Variants in ASB5 observed in about 807,000 individuals in gnomAD.
ASB5 encodes the protein ankyrin repeat and SOCS box containing 5.
ASB5 carries 45 observed loss-of-function variants against 42.1 expected under a neutral mutation model. The observed-to-expected ratio is 1.07, with a 90% CI of 0.84 to 1.37. The LOEUF (loss-of-function observed/expected upper bound fraction) is 1.37, where lower values mean the gene tolerates loss of function less well. ASB5 is among the 40% of genes most tolerant of loss of function. The pLI is 0.00. For synonymous variants in ASB5, 147 were observed against 150.6 expected (o/e 0.98, Z 0.18); for missense variants, 402 against 399.8 (o/e 1.01, Z -0.05).
chr4:176,266,686 A>G, intron 1 of ASB5, among the ~76,000 whole-genome samples: 1 of 152,230 alleles, frequency 6.6e-6, no homozygotes, highest in South Asian at 2.1e-4. Flanking sequence ...ATTGTTTCAT[A>G]TACAGATTAA....
chr4:176,247,751 G>A (rs1286710639), intron 1 of ASB5, among the ~76,000 whole-genome samples: 1 of 152,120 alleles, frequency 6.6e-6, no homozygotes, highest in Admixed American at 6.5e-5. Flanking sequence ...TTTTTAAGAT[G>A]AATTCCACAA....
chr4:176,266,826 CT>C (rs1216162123), intron 1 of ASB5, among the ~76,000 whole-genome samples: 2 of 151,756 alleles, frequency 1.3e-5, no homozygotes, highest in African/African-American at 4.8e-5. Context: ...TATTGATTTC[CT>C]TTTTTCTTTC....
chr4:176,269,674 A>G (rs751395076), upstream of ASB5, among the ~76,000 whole-genome samples: 2 of 152,212 alleles, frequency 1.3e-5, no homozygotes, highest in Non-Finnish European at 2.9e-5. Context: ...AAGTCATTAC[A>G]CTGGAACATC....
intron 1 of ASB5, among the ~76,000 whole-genome samples, chr4:176,245,958 A>C (rs1345510303): frequency 6.6e-6 from 1 of 152,134 alleles, no homozygotes. Flanking sequence ...ATGATGAGTT[A>C]ACGGGTGCAG....
intron 1 of ASB5, among the ~76,000 whole-genome samples, chr4:176,229,387 A>C (rs1033929943): frequency 1.3e-5 from 2 of 152,184 alleles, no homozygotes. Context: ...TTGTAGCTGA[A>C]GGGTACTTGA....
Position 176,237,487 on chromosome 4 carries a change from A to G in ASB5, c.197-12146T>C. The stretch of plus-strand genomic sequence containing the variant: ...TGCAAATGCTCTAGCAAGAAGAAAT[A>G]TCAGCGTCTGGATTTCTAACTATTT... On this transcript the variant is annotated intron_variant, in intron 1 of 6. Transcript: ENST00000296525. 3.0e-6 allele frequency: 3 copies of G among 985,738 alleles called. No homozygotes were observed. The South Asian group carries it at 1.4e-4, about 46-fold the overall frequency. The allele number at this position is 985,738 out of a possible 1,614,324, so 61.1% of individuals were successfully genotyped here.
chr4:176,255,800 C>T (rs1028046228), intron 1 of ASB5, among the ~76,000 whole-genome samples: 14 of 152,188 alleles, frequency 9.2e-5, no homozygotes, highest in African/African-American at 3.4e-4. Context: ...GTAACCCAAA[C>T]CTCAGCATCA....
chr4:176,230,417 A>C (rs1159768194), intron 1 of ASB5, among the ~76,000 whole-genome samples: 2 of 152,212 alleles, frequency 1.3e-5, no homozygotes, highest in African/African-American at 4.8e-5. Flanking sequence ...TCTTTCTGAA[A>C]TAAGAAATGA....
At position 176,222,369 on chromosome 4, in the gene ASB5, C is replaced by T; in HGVS notation, c.328G>A (p.Ala110Thr). ...TLDHVTPLHE[A>T]CLGDHVACAR... is the part of the protein sequence containing the mutation. ...CATGCCACGTGATCTCCAAGGCAGGCTTCGTGCAATGGGGTGACATGGTCT... is the reference window on the plus strand; with the variant it reads ...CATGCCACGTGATCTCCAAGGCAGGTTTCGTGCAATGGGGTGACATGGTCT... Residue 110 changes from alanine to threonine, a missense_variant, in exon 3 of 7, where the codon GCC (alanine) becomes ACC (threonine). Physicochemically the swap from Ala to Thr is moderately conservative, Grantham distance 58. Coordinates refer to ENST00000296525, the MANE Select transcript of ASB5 (RefSeq NM_080874.4). 1 of 1,614,022 alleles carries T rather than the reference C, an allele frequency of 6.2e-7. No homozygotes were observed. The highest frequency in any genetic ancestry group is 8.5e-7 in the Non-Finnish European group (1 of 1,179,980).
intron 1 of ASB5, among the ~76,000 whole-genome samples, chr4:176,247,209 G>T (rs1753929978): frequency 6.6e-6 from 1 of 152,018 alleles, no homozygotes; most frequent in Non-Finnish European, 1.5e-5. Context: ...ATATAAATGA[G>T]AAACTATATT....
chr4:176,253,218 C>T (rs1289258455), intron 1 of ASB5, among the ~76,000 whole-genome samples: 2 of 152,082 alleles, frequency 1.3e-5, no homozygotes, highest in Admixed American at 1.3e-4. Context: ...CACAGATATA[C>T]CTCAATTTTT....
chr4:176,257,109 T>G (rs1475458058), intron 1 of ASB5, among the ~76,000 whole-genome samples: 1 of 151,992 alleles, frequency 6.6e-6, no homozygotes. Context: ...GACAAGAGGC[T>G]TTTAAGAAGG....
At chr4:176,219,575 G>GATATATAAAT (rs1554042708) in intron 5 of ASB5, among the ~76,000 whole-genome samples, 1,545 of 5,998 alleles carry the variant, frequency 0.26, 670 homozygotes, top group Non-Finnish European at 0.37. Context: ...ATATTTGTAT[G>GATATATAAAT]ATATATATAT....
chr4:176,236,721 C>A (rs547037107), intron 1 of ASB5, among the ~76,000 whole-genome samples: 23 of 152,120 alleles, frequency 1.5e-4, no homozygotes, highest in African/African-American at 5.5e-4. Flanking sequence ...CATTTTCGAC[C>A]CTTAAATTTA....
chr4:176,244,781 G>A (rs901045336), intron 1 of ASB5, among the ~76,000 whole-genome samples: 1 of 152,082 alleles, frequency 6.6e-6, no homozygotes, highest in African/African-American at 2.4e-5. Flanking sequence ...AGCTGGGCAT[G>A]GTGACATGTG....
At chr4:176,253,786 C>T (rs1382839800) in intron 1 of ASB5, among the ~76,000 whole-genome samples, 1 of 152,102 alleles carries the variant, frequency 6.6e-6, no homozygotes, top group Non-Finnish European at 1.5e-5. Flanking sequence ...TCTTGATTTA[C>T]AATAGCTTGC....
intron 1 of ASB5, among the ~76,000 whole-genome samples, chr4:176,250,228 G>A (rs1754007646): frequency 6.6e-6 from 1 of 152,176 alleles, no homozygotes; most frequent in African/African-American, 2.4e-5. Context: ...GGAATAGGGT[G>A]GCTGAGGTCA....
At chr4:176,250,456 T>C (rs919792049) in intron 1 of ASB5, among the ~76,000 whole-genome samples, 2 of 152,176 alleles carry the variant, frequency 1.3e-5, no homozygotes, top group Non-Finnish European at 2.9e-5. Context: ...GCTGGCAAAG[T>C]GTGGGCTGTC....
intron 1 of ASB5, among the ~76,000 whole-genome samples, chr4:176,264,215 C>T (rs1483151262): frequency 1.3e-5 from 2 of 152,166 alleles, no homozygotes; most frequent in Admixed American, 1.3e-4. Flanking sequence ...CTCAAGCAGC[C>T]TCACAGAGAC....
Sources: gnomAD v4.1 joint callset for allele counts (sites outside exome capture counted in the v4.1 genomes callset) on GRCh38, gnomAD v4.1.1 for gene constraint, MANE v1.5 for transcripts, NCBI Gene and HGNC (gene_info 2026-07-23, HGNC 2026-07-21) for gene names.